Variants in DSN1 observed in about 807,000 individuals in gnomAD.
DSN1 encodes DSN1 component of MIS12 kinetochore complex.
Under a neutral mutation model 45.7 loss-of-function variants are expected in DSN1, and 31 were observed. The observed-to-expected ratio is 0.68, with a 90% CI of 0.51 to 0.92. DSN1 has a LOEUF of 0.92. Ranked by LOEUF, DSN1 falls within the 40% of genes least tolerant of loss-of-function variation. DSN1 has a pLI of 0.00. For missense variants in DSN1, 394 were observed against 414.2 expected (o/e 0.95, Z 0.42); for synonymous variants, 134 against 142.3 (o/e 0.94, Z 0.41).
chr20:36,756,426 CAA>C (rs1986683881), intron 8 of DSN1, among the ~76,000 whole-genome samples: 1 of 152,030 alleles, frequency 6.6e-6, no homozygotes, highest in African/African-American at 2.4e-5. Flanking sequence ...AGAGTGAAGC[CAA>C]AGCTTACTAT....
At chr20:36,755,443 A>G (rs185535943) in intron 9 of DSN1, among the ~76,000 whole-genome samples, 1 of 152,184 alleles carries the variant, frequency 6.6e-6, no homozygotes, top group Non-Finnish European at 1.5e-5. Context: ...CTTGCTATAT[A>G]AAATAGCAAC....
At position 36,754,830 on chromosome 20, in the gene DSN1, T is replaced by C. The variant is rs61739070; in HGVS notation, c.894A>G (p.Ser298=). ...CCATAAAGGCCTGCAGCTGTTTCAC[T>C]GATCCTTGCAGTTCATCCATCTGTA... The part of the protein sequence containing the change: ...MELVMDELQG[S]VKQLQAFMDE... The change falls in exon 10 of 11, where the codon TCA becomes TCG. Residue 298 remains serine (S), a synonymous_variant. Transcript: ENST00000373750. 1,299 of 1,613,910 alleles carry C rather than the reference T, an allele frequency of 8.0e-4. 11 individuals carry two copies. In the African/African-American group the frequency reaches 0.016, roughly 20 times the overall value.
intron 1 of DSN1, 65 bp downstream of exon 1, chr20:36,773,597 G>A (rs927635466): frequency 1.0e-6 from 1 of 985,626 alleles, no homozygotes; most frequent in Admixed American, 6.1e-5. Context: ...GCGGCGGCGG[G>A]CGGGGCCACA....
At chr20:36,769,398 ATCT>A (rs774197029) in intron 3 of DSN1, among the ~76,000 whole-genome samples, 15 of 152,224 alleles carry the variant, frequency 9.9e-5, no homozygotes, top group Non-Finnish European at 1.6e-4. Flanking sequence ...GCAAGAACCA[ATCT>A]TATTACACTG....
At chr20:36,752,968 G>C (rs1986453760) in intron 10 of DSN1, 71 bp from the exon 11 acceptor site, 1 of 1,252,416 alleles carries the variant, frequency 8.0e-7, no homozygotes, top group South Asian at 1.2e-5. Flanking sequence ...ACTTAATGTA[G>C]GGACATTGTG....
intron 6 of DSN1, among the ~76,000 whole-genome samples, chr20:36,759,913 A>C (rs1388011408): frequency 6.6e-6 from 1 of 152,084 alleles, no homozygotes; most frequent in African/African-American, 2.4e-5. Context: ...CTTTCTTAAA[A>C]TATTTCTCTA....
intron 10 of DSN1, among the ~76,000 whole-genome samples, chr20:36,753,502 G>T (rs1986489004): frequency 6.6e-6 from 1 of 151,588 alleles, no homozygotes; most frequent in Non-Finnish European, 1.5e-5. Context: ...GCCAGGCATG[G>T]TGGCACATGC....
intron 3 of DSN1, among the ~76,000 whole-genome samples, chr20:36,769,317 G>C (rs1987512251): frequency 6.6e-6 from 1 of 152,190 alleles, no homozygotes; most frequent in Non-Finnish European, 1.5e-5. Flanking sequence ...TGTCACTGCT[G>C]TTAGTCAAGA....
At chr20:36,757,985 T>G in intron 8 of DSN1, 102 bp downstream of exon 8, 1 of 1,121,320 alleles carries the variant, frequency 8.9e-7, no homozygotes, top group Non-Finnish European at 1.3e-6. Context: ...TATTGGCCCG[T>G]GAGAAAGGAT....
chr20:36,762,391 T>G, intron 6 of DSN1, 70 bp downstream of exon 6: 26 of 1,423,696 alleles, frequency 1.8e-5, no homozygotes, highest in Non-Finnish European at 2.3e-5. Context: ...ATTACAGGCC[T>G]GAGCCACCAA....
At chr20:36,757,557 C>T (rs1285633227) in intron 8 of DSN1, among the ~76,000 whole-genome samples, 2 of 151,976 alleles carry the variant, frequency 1.3e-5, no homozygotes, top group South Asian at 4.1e-4. Context: ...GGCAACAGAG[C>T]GAGAGTCTGT....
chr20:36,773,414 C>T, intron 1 of DSN1: 3 of 985,570 alleles, frequency 3.0e-6, no homozygotes, highest in Non-Finnish European at 3.6e-6. Context: ...GGAGCCTAGA[C>T]CCCTGGCACG....
At chr20:36,766,300 G>T (rs1330545868) in intron 5 of DSN1, among the ~76,000 whole-genome samples, 2 of 152,040 alleles carry the variant, frequency 1.3e-5, no homozygotes, top group East Asian at 3.9e-4. Context: ...TAGACTGGGG[G>T]CCAGAATGGA....
chr20:36,771,557 C>A, intron 1 of DSN1, 84 bp from the exon 2 acceptor site: 1 of 1,335,662 alleles, frequency 7.5e-7, no homozygotes, highest in Non-Finnish European at 1.1e-6. Context: ...AATAAATAGG[C>A]CGTGTGCTTT....
In DSN1 at chr20:36,752,496, A is replaced by C. The variant is rs569695133; in HGVS notation, c.*292T>G. ...ATTTTTGGATTGTTTCAAAACCTGA[A>C]AAACACCTTCACAGGATAAAGATAA... On this transcript the variant is annotated 3_prime_UTR_variant, in exon 11 of 11. Coordinates refer to ENST00000373750, the MANE Select transcript of DSN1 (RefSeq NM_001145315.2). The C allele has an allele frequency of 2.8e-5, 8 of 281,226 alleles. No individual in the cohort carries two copies. In the South Asian group the frequency reaches 8.0e-4, roughly 28 times the overall value. 17.4% of individuals were successfully genotyped at this position (281,226 alleles called of 1,614,324 possible).
At chr20:36,773,112 G>A (rs1987737526) in intron 1 of DSN1, among the ~76,000 whole-genome samples, 1 of 152,220 alleles carries the variant, frequency 6.6e-6, no homozygotes, top group Non-Finnish European at 1.5e-5. Flanking sequence ...ACAAATCCAG[G>A]CTTGGATAAT....
rs1987613719 is a variant in DSN1, at chr20:36,770,967, G to A, written c.261C>T (p.Ala87=). 2 of 1,614,136 alleles carry A rather than the reference G, an allele frequency of 1.2e-6. No homozygotes were observed. The highest frequency in any genetic ancestry group is 1.3e-5 in the African/African-American group (1 of 75,024). Residue 87 remains alanine (A), a synonymous_variant, in exon 3 of 11, where the codon GCC becomes GCT. Coordinates refer to ENST00000373750, the MANE Select transcript of DSN1 (RefSeq NM_001145315.2). ...AGGATTGCCTCCTGTCTTGATAACT[G>A]GCAGATTGTTCTTGAGGAGACAAAT... is the stretch of plus-strand genomic sequence containing the variant. The part of the protein sequence containing the change: ...SLHLSPQEQS[A]SYQDRRQSWR...
intron 3 of DSN1, among the ~76,000 whole-genome samples, chr20:36,770,563 T>A (rs1987590231): frequency 6.6e-6 from 1 of 152,062 alleles, no homozygotes; most frequent in Non-Finnish European, 1.5e-5. Context: ...GCTAATAATA[T>A]AATATAAGTA....
intron 5 of DSN1, among the ~76,000 whole-genome samples, chr20:36,764,529 T>C (rs1193469068): frequency 6.6e-6 from 1 of 152,194 alleles, no homozygotes; most frequent in African/African-American, 2.4e-5. Flanking sequence ...GAAAGTTCAA[T>C]CATTAGTATT....
Sources: allele counts gnomAD v4.1 joint callset (sites outside exome capture counted in the v4.1 genomes callset), GRCh38; gene constraint gnomAD v4.1.1; transcripts MANE v1.5; gene names NCBI Gene and HGNC (gene_info 2026-07-23, HGNC 2026-07-21).